The following DPP6 variants were observed in gnomAD, a reference collection of about 807,000 sequenced individuals.
DPP6 encodes dipeptidyl peptidase like 6.
DPP6 carries 69 observed loss-of-function variants against 122.6 expected under a neutral mutation model. The observed-to-expected ratio is 0.56, with a 90% CI of 0.46 to 0.69. The LOEUF is 0.69. Among genes scored for constraint, DPP6 ranks in the 30% least tolerant of loss-of-function variants. The pLI, the probability that DPP6 is intolerant of heterozygous loss-of-function variation, is 0.00. For synonymous variants in DPP6, 418 were observed against 433.1 expected (o/e 0.97, Z 0.43); for missense variants, 928 against 1,116.9 (o/e 0.83, Z 2.41).
intron 1 of DPP6, among the ~76,000 whole-genome samples, chr7:154,121,061 C>A (rs71532658): frequency 0.01 from 1,527 of 152,286 alleles, 16 homozygotes; most frequent in Non-Finnish European, 0.015. Flanking sequence ...CTTTGCTCGA[C>A]TCTCATGCCC....
At chr7:154,408,207 T>C (rs773216162) in intron 1 of DPP6, among the ~76,000 whole-genome samples, 43 of 152,210 alleles carry the variant, frequency 2.8e-4, no homozygotes, top group Non-Finnish European at 3.7e-4. Flanking sequence ...GAAAGTTACA[T>C]GTTCCAAGAA....
In DPP6 at chr7:154,847,211, C is replaced by G. The variant is rs184790480; in HGVS notation, c.1667-6569C>G. Among the ~76,000 whole-genome samples, 80 of 152,278 alleles carry G rather than the reference C, an allele frequency of 5.3e-4. 1 individual carries two copies. In the East Asian group the frequency reaches 9.5e-3, roughly 18 times the overall value. On this transcript the variant is annotated intron_variant, in intron 16 of 25. Transcript: ENST00000377770. ...CTGACACCCCCAACACGGCTTCACC[C>G]TCTTGTAGTGGCCAGACTAGATGTC...
chr7:154,350,411 G>A (rs906026793), intron 1 of DPP6, among the ~76,000 whole-genome samples: 1 of 152,120 alleles, frequency 6.6e-6, no homozygotes, highest in African/African-American at 2.4e-5. Context: ...TGGATCACAC[G>A]CAAACCCAGC....
chr7:153,928,395 C>CCTTTTTTTTTTTTTTTTTTTTTTTTTT (rs1467865041), intron 1 of DPP6, among the ~76,000 whole-genome samples: 1 of 29,996 alleles, frequency 3.3e-5, no homozygotes, highest in Non-Finnish European at 6.5e-5. Flanking sequence ...TCTTTTCTTT[C>CCTTTTTTTTTTTTTTTTTTTTTTTTTT]ATTTTTTTTT....
At chr7:153,873,307 G>A in the DPP6 span, among the ~76,000 whole-genome samples, 1 of 152,182 alleles carries the variant, frequency 6.6e-6, no homozygotes, top group Non-Finnish European at 1.5e-5. Flanking sequence ...CAACACTGGA[G>A]ATCAAATTGC....
Position 154,805,057 on chromosome 7 carries a change from C to T in DPP6, c.1547+93C>T, listed in dbSNP as rs7785476. The T allele has an allele frequency of 5.0e-3, 7,494 of 1,491,688 alleles. 281 individuals are homozygous for T. In the African/African-American group the frequency reaches 0.086, roughly 17 times the overall value. 92.4% of individuals were successfully genotyped at this position (1,491,688 alleles called of 1,614,324 possible). ...CACCTTTTCAGCAGTTCGGAAAGGG[C>T]GGCAGCAAAGACAGACCCCACCACA... On this transcript the variant is annotated intron_variant, in intron 15 of 25. Coordinates refer to ENST00000377770, the MANE Select transcript of DPP6 (RefSeq NM_130797.4).
intron 5 of DPP6, among the ~76,000 whole-genome samples, chr7:154,608,342 T>TATATATATATATATATATATATATATA (rs59731169): frequency 1.2e-3 from 147 of 127,278 alleles, no homozygotes; most frequent in Non-Finnish European, 1.6e-3. Flanking sequence ...TATATATATA[T>TATATATATATATATATATATATATATA]TTTGAGATGG....
At chr7:154,868,795 G>A (rs141831974) in intron 18 of DPP6, among the ~76,000 whole-genome samples, 2,201 of 152,290 alleles carry the variant, frequency 0.014, 19 homozygotes, top group Middle Eastern at 0.024. Flanking sequence ...CCACCAGGTC[G>A]TTACTCTTGG....
At chr7:153,865,149 CT>C in the DPP6 span, among the ~76,000 whole-genome samples, 1 of 152,100 alleles carries the variant, frequency 6.6e-6, no homozygotes. Context: ...ACACACATAT[CT>C]ATTATATTAT....
upstream of DPP6, among the ~76,000 whole-genome samples, chr7:154,052,024 C>A (rs1290854513): frequency 6.6e-6 from 1 of 150,688 alleles, no homozygotes; most frequent in Non-Finnish European, 1.5e-5. The surrounding 1 kb of genome is among the most constrained non-coding windows in gnomAD (Gnocchi z 4.8). Context: ...GCTGGGGCGC[C>A]CCGGGGCCGG....
chr7:154,890,625 C>T (rs1379139426), intron 25 of DPP6: 1 of 152,226 alleles, frequency 6.6e-6, no homozygotes, highest in Non-Finnish European at 1.5e-5. Flanking sequence ...GAGCAGCCTG[C>T]ATCGCTGCAG....
At chr7:154,699,911 G>C (rs1310283702) in intron 7 of DPP6, among the ~76,000 whole-genome samples, 9 of 152,162 alleles carry the variant, frequency 5.9e-5, no homozygotes, top group Non-Finnish European at 1.3e-4. Flanking sequence ...TGTGGGCTCT[G>C]GAGTCGGACA....
rs368172991 is a variant in DPP6, at chr7:154,480,036, C to T, written c.457+4999C>T. Among the ~76,000 whole-genome samples the T allele has an allele frequency of 2.5e-4, 38 of 152,026 alleles. No individual in the cohort carries two copies. In the East Asian group the frequency reaches 3.1e-3, roughly 12 times the overall value. On this transcript the variant is annotated intron_variant, in intron 3 of 25. Coordinates refer to ENST00000377770, the MANE Select transcript of DPP6 (RefSeq NM_130797.4). ...CCCACCCCGCCCCTGCCCCGCCCCA[C>T]AGGTGACCTGTCTGCTGTCTGCACT...
At chr7:153,837,542 T>C in the DPP6 span, among the ~76,000 whole-genome samples, 1 of 152,198 alleles carries the variant, frequency 6.6e-6, no homozygotes, top group Admixed American at 6.5e-5. Context: ...CCAGGAAACC[T>C]GTTAATTAAA....
chr7:154,499,695 A>G lies in DPP6; in HGVS notation c.457+24658A>G, dbSNP rs543741209. 3.3e-5 allele frequency among the ~76,000 whole-genome samples: 5 copies of G among 152,222 alleles called. No homozygotes were observed. In the South Asian group the frequency reaches 6.2e-4, roughly 19 times the overall value. On this transcript the variant is annotated intron_variant, in intron 3 of 25. Transcript: ENST00000377770. ...CCTATGAAACCTCACCCTTAGCTTG[A>G]AGAAGTAACAAGTCATAGTGAATCT...
chr7:154,059,741 T>C (rs1160589558), intron 1 of DPP6, among the ~76,000 whole-genome samples: 2 of 151,104 alleles, frequency 1.3e-5, no homozygotes, highest in African/African-American at 4.9e-5. Context: ...GCCTTTTCCA[T>C]TGTATGCGTC....
chr7:154,565,537 C>A (rs556622128), intron 4 of DPP6, among the ~76,000 whole-genome samples: 1 of 150,998 alleles, frequency 6.6e-6, no homozygotes, highest in East Asian at 1.9e-4. Flanking sequence ...CTTTTTTTTT[C>A]TTTTGGAGAT....
At chr7:154,447,361 A>G (rs149441874) in intron 2 of DPP6, among the ~76,000 whole-genome samples, 4 of 152,294 alleles carry the variant, frequency 2.6e-5, no homozygotes, top group African/African-American at 7.2e-5. Flanking sequence ...GGCCATAGAT[A>G]AAACAGTATG....
chr7:154,308,255 G>GA (rs5888567), intron 1 of DPP6, among the ~76,000 whole-genome samples: 40,880 of 146,388 alleles, frequency 0.28, 5,833 homozygotes, highest in Non-Finnish European at 0.32. Flanking sequence ...GGGGAAATTA[G>GA]AAAAAAAAAA....
Sources: gnomAD v4.1 joint callset for allele counts (sites outside exome capture counted in the v4.1 genomes callset) on GRCh38, gnomAD v4.1.1 for gene constraint, Gnocchi (gnomAD v3.1) non-coding constraint, MANE v1.5 for transcripts, NCBI Gene and HGNC (gene_info 2026-07-23, HGNC 2026-07-21) for gene names.